Variants in STON2 observed in about 807,000 individuals in gnomAD.
STON2 encodes the protein stonin 2.
STON2 carries 29 observed loss-of-function variants against 65.7 expected under a neutral mutation model. The ratio of observed to expected loss-of-function variants is 0.44; its 90% confidence interval spans 0.33 to 0.60. STON2 has a LOEUF of 0.60. Among genes scored for constraint, STON2 ranks in the 20% least tolerant of loss-of-function variants. STON2 has a pLI of 0.03. For missense variants in STON2, 1,054 were observed against 1,118.1 expected (o/e 0.94, Z 0.82); for synonymous variants, 404 against 414.2 (o/e 0.98, Z 0.30).
rs1555397665 is a variant in STON2, at chr14:81,306,220, C to CTATTTTTTTTTTTTTTTTTTTTTTTT, written c.742+17796_742+17797insAAAAAAAAAAAAAAAAAAAAAAAATA. Among the ~76,000 whole-genome samples the CTATTTTTTTTTTTTTTTTTTTTTTTT allele has an allele frequency of 5.8e-5, 4 of 69,490 alleles. 2 individuals are homozygous for CTATTTTTTTTTTTTTTTTTTTTTTTT. Among genetic ancestry groups the CTATTTTTTTTTTTTTTTTTTTTTTTT allele is most frequent in the Non-Finnish European group, 1.0e-4 (4 of 39,088 alleles). 45.6% of individuals were successfully genotyped at this position (69,490 alleles called of 152,430 possible). ...TTATATATACACACACATACATACTCTTTTTTTTTTTTTTTTTTTTTTTTT... is the reference window on the plus strand; with the variant it reads ...TTATATATACACACACATACATACTCTATTTTTTTTTTTTTTTTTTTTTTTTTTTTTTTTTTTTTTTTTTTTTTTTT... On this transcript the variant is annotated intron_variant, in intron 5 of 7. Transcript: ENST00000614646.
In STON2 at chr14:81,314,272, G is replaced by T. The variant is rs117632707; in HGVS notation, c.742+9745C>A. Reference sequence around the variant, plus strand: ...ACCCAGTGCCCTTTTGACTACACTGGCACAAGAACGGCAGTTTCAGTGGCC... The same window carrying T: ...ACCCAGTGCCCTTTTGACTACACTGTCACAAGAACGGCAGTTTCAGTGGCC... On this transcript the variant is annotated intron_variant, in intron 5 of 7. Coordinates refer to ENST00000614646, the MANE Select transcript of STON2 (RefSeq NM_001394390.1). Among the ~76,000 whole-genome samples the T allele has an allele frequency of 8.1e-4, 124 of 152,316 alleles. 2 individuals are homozygous for T. The East Asian group carries it at 0.023, about 28-fold the overall frequency.
At chr14:81,371,480 G>A (rs1304102379) in intron 3 of STON2, among the ~76,000 whole-genome samples, 1 of 151,990 alleles carries the variant, frequency 6.6e-6, no homozygotes. Flanking sequence ...CGGATCACGA[G>A]GTCAGGAGAT....
chr14:81,314,319 TG>T (rs1192537464), intron 5 of STON2, among the ~76,000 whole-genome samples: 1 of 152,198 alleles, frequency 6.6e-6, no homozygotes, highest in South Asian at 2.1e-4. Context: ...AAGGCAGTGA[TG>T]GGGGCCCTTG....
chr14:81,400,735 C>T (rs779094600), upstream of STON2, among the ~76,000 whole-genome samples: 4 of 152,072 alleles, frequency 2.6e-5, no homozygotes, highest in Non-Finnish European at 5.9e-5. Context: ...ATCAGGCACA[C>T]GAATAGAGAT....
chr14:81,336,739 AG>A (rs1897386318), intron 4 of STON2, among the ~76,000 whole-genome samples: 1 of 152,102 alleles, frequency 6.6e-6, no homozygotes, highest in Non-Finnish European at 1.5e-5. Flanking sequence ...ATGTAGAGGT[AG>A]AAAAGGTAGG....
chr14:81,424,452 A>G (rs1013469471), intron 2 of STON2, among the ~76,000 whole-genome samples: 2 of 151,986 alleles, frequency 1.3e-5, no homozygotes, highest in Non-Finnish European at 2.9e-5. Flanking sequence ...TCAAAAAAAA[A>G]TATTTTTCTG....
intron 4 of STON2, among the ~76,000 whole-genome samples, chr14:81,350,138 G>T (rs1001652091): frequency 6.6e-6 from 1 of 152,058 alleles, no homozygotes; most frequent in African/African-American, 2.4e-5. Flanking sequence ...AACAAATTCT[G>T]TTTGGTAAGA....
chr14:81,431,214 T>C (rs1902212021), intron 1 of STON2, among the ~76,000 whole-genome samples: 1 of 152,196 alleles, frequency 6.6e-6, no homozygotes, highest in Admixed American at 6.5e-5. Context: ...GTTTCTCCTG[T>C]TTCAGAAAGC....
intron 4 of STON2, among the ~76,000 whole-genome samples, chr14:81,339,563 C>T (rs758914291): frequency 6.6e-6 from 1 of 152,122 alleles, no homozygotes; most frequent in African/African-American, 2.4e-5. Flanking sequence ...TACCAGACTA[C>T]CCAATTTGAA....
At position 81,262,871 on chromosome 14, in the gene STON2, G is replaced by A. The variant is rs888057960; in HGVS notation, c.*5543C>T. ...TGGTTGCCTTATACATCTCCTTCAC[G>A]TTTAATTCCTTAAACACATAAATAT... On this transcript the variant is annotated 3_prime_UTR_variant, in exon 8 of 8. Coordinates refer to ENST00000614646, the MANE Select transcript of STON2 (RefSeq NM_001394390.1). The A allele has an allele frequency of 4.4e-5, 43 of 985,084 alleles. No homozygotes were observed. Among genetic ancestry groups the A allele is most frequent in the Non-Finnish European group, 4.8e-5 (40 of 829,800 alleles). The allele number at this position is 985,084 out of a possible 1,614,324, so 61.0% of individuals were successfully genotyped here.
At position 81,266,393 on chromosome 14, in the gene STON2, C is replaced by T. The variant is rs1724617024; in HGVS notation, c.*2021G>A. On this transcript the variant is annotated 3_prime_UTR_variant, in exon 8 of 8. Transcript: ENST00000614646. ...AAGCTACACAGAATAAATCTAATTC[C>T]TCTTCCTTTTCATAGCTCAATAGAA... is the stretch of plus-strand genomic sequence containing the variant. Among the ~76,000 whole-genome samples the T allele has an allele frequency of 6.6e-6, 1 of 152,122 alleles. No homozygotes were observed. The highest frequency in any genetic ancestry group is 6.5e-5 in the Admixed American group (1 of 15,268).
rs1041739619 is a variant in STON2 at position 81,413,459 on chromosome 14, T to C, written c.-199+13643A>G. Among the ~76,000 whole-genome samples the C allele has an allele frequency of 3.6e-5, 5 of 140,472 alleles. 1 individual carries two copies. Among genetic ancestry groups the C allele is most frequent in the African/African-American group, 5.8e-5 (2 of 34,310 alleles). The allele number at this position is 140,472 out of a possible 152,430, so 92.2% of individuals were successfully genotyped here. On this transcript the variant is annotated intron_variant, in intron 2 of 8. Coordinates refer to the STON2 transcript ENST00000553821. ...TCTGTATTTATTTTCTATTCCATAC[T>C]TCTGCCTCACGTTGTTTTCTCTCAA...
At chr14:81,363,312 A>T (rs913723573) in intron 4 of STON2, among the ~76,000 whole-genome samples, 23 of 152,194 alleles carry the variant, frequency 1.5e-4, no homozygotes, top group African/African-American at 5.1e-4. Context: ...AAACAATTTT[A>T]AAAATTATAT....
chr14:81,299,200 A>G (rs1895878634), intron 5 of STON2, among the ~76,000 whole-genome samples: 1 of 152,246 alleles, frequency 6.6e-6, no homozygotes, highest in Admixed American at 6.5e-5. Context: ...TCCACCAGGA[A>G]TATTGCAGAA....
intron 5 of STON2, among the ~76,000 whole-genome samples, chr14:81,300,522 T>C (rs891025901): frequency 1.3e-5 from 2 of 152,020 alleles, no homozygotes; most frequent in Non-Finnish European, 2.9e-5. Flanking sequence ...CAGAAATCAA[T>C]AATAAAAATA....
Position 81,261,940 on chromosome 14 carries a change from ATGAT to A in STON2, c.*6470_*6473del. 1 of 1,396,958 alleles carries A rather than the reference ATGAT, an allele frequency of 7.2e-7. No individual in the cohort carries two copies. The highest frequency in any genetic ancestry group is 1.6e-5 in the South Asian group (1 of 62,308). The allele number at this position is 1,396,958 out of a possible 1,614,324, so 86.5% of individuals were successfully genotyped here. A position where few individuals can be genotyped will look rare whatever the true frequency, so the allele number is the denominator to read the frequency against. Reference sequence around the variant, plus strand: ...TTGTCTGTTTCTGTTGTCTGGGGAAATGATAAAAAAAAAAAAAAAAAAGAGAGAG... The same window carrying A: ...TTGTCTGTTTCTGTTGTCTGGGGAAAAAAAAAAAAAAAAAAAAAGAGAGAG... On this transcript the variant is annotated 3_prime_UTR_variant, in exon 8 of 8. Transcript: ENST00000614646.
At chr14:81,381,963 T>C (rs1188909803) in intron 3 of STON2, among the ~76,000 whole-genome samples, 1 of 152,142 alleles carries the variant, frequency 6.6e-6, no homozygotes, top group Admixed American at 6.6e-5. Context: ...CTCACACCTG[T>C]AATCCCAGCA....
intron 2 of STON2, among the ~76,000 whole-genome samples, chr14:81,419,284 T>C: frequency 6.6e-6 from 1 of 152,206 alleles, no homozygotes; most frequent in East Asian, 1.9e-4. Flanking sequence ...ATGAGGAAAC[T>C]AAGGCTTGGA....
chr14:81,300,698 C>A lies in STON2; in HGVS notation c.743-21959G>T, dbSNP rs117431237. Among the ~76,000 whole-genome samples the A allele has an allele frequency of 4.3e-3, 660 of 152,246 alleles. 4 individuals are homozygous for A. The highest frequency in any genetic ancestry group is 0.02 in the South Asian group (99 of 4,830). On this transcript the variant is annotated intron_variant, in intron 5 of 7. Transcript: ENST00000614646. ...GAACAAAGATGTGGAGCAACTAGGA[C>A]TCTCGTGCGTCATTGGTGAGAGTAT...
Sources: gnomAD v4.1 joint callset for allele counts (sites outside exome capture counted in the v4.1 genomes callset) on GRCh38, gnomAD v4.1.1 for gene constraint, MANE v1.5 for transcripts, NCBI Gene and HGNC (gene_info 2026-07-23, HGNC 2026-07-21) for gene names.